The following FSTL5 variants were observed in gnomAD, a reference collection of about 807,000 sequenced individuals.
The protein encoded by FSTL5 is follistatin like 5.
Under a neutral mutation model 89.1 loss-of-function variants are expected in FSTL5, and 62 were observed. That is an observed-to-expected ratio of 0.70 (90% confidence interval 0.57 to 0.86). The LOEUF (loss-of-function observed/expected upper bound fraction) is 0.86, where lower values mean the gene tolerates loss of function less well. Among genes scored for constraint, FSTL5 ranks in the 40% least tolerant of loss-of-function variants. FSTL5 has a pLI of 0.00. For synonymous variants in FSTL5, 383 were observed against 346.2 expected, an observed-to-expected ratio of 1.11 and a Z score of -1.18; for missense variants, 1,057 against 1,001.6, an observed-to-expected ratio of 1.06 and a Z score of -0.75.
At chr4:161,564,112 A>C (rs1046404536) in intron 8 of FSTL5, among the ~76,000 whole-genome samples, 1 of 151,842 alleles carries the variant, frequency 6.6e-6, no homozygotes, top group Admixed American at 6.6e-5. Context: ...ATATATTTGT[A>C]TTCAAATTTA....
chr4:161,721,085 T>A (rs577534621), intron 6 of FSTL5, among the ~76,000 whole-genome samples: 1 of 151,344 alleles, frequency 6.6e-6, no homozygotes, highest in Non-Finnish European at 1.5e-5. Context: ...GAGACCATCC[T>A]GGCTAACAAG....
intron 2 of FSTL5, among the ~76,000 whole-genome samples, chr4:162,095,724 G>A (rs1297599746): frequency 1.3e-5 from 2 of 151,862 alleles, no homozygotes; most frequent in Admixed American, 1.3e-4. Flanking sequence ...AAATGATATT[G>A]TAGTTACTTT....
chr4:162,150,683 A>G (rs1210808495), intron 1 of FSTL5, among the ~76,000 whole-genome samples: 1 of 152,184 alleles, frequency 6.6e-6, no homozygotes, highest in Non-Finnish European at 1.5e-5. Flanking sequence ...CTGTGGTTAA[A>G]TAATATCTCA....
chr4:161,677,830 G>A (rs966869222), intron 6 of FSTL5, among the ~76,000 whole-genome samples: 4 of 151,658 alleles, frequency 2.6e-5, no homozygotes, highest in African/African-American at 7.3e-5. Flanking sequence ...CTAAAATTGT[G>A]TTTTTTTGAC....
chr4:161,979,284 A>G (rs1380222094), intron 3 of FSTL5, among the ~76,000 whole-genome samples: 1 of 152,162 alleles, frequency 6.6e-6, no homozygotes, highest in Non-Finnish European at 1.5e-5. Flanking sequence ...CATAGATTTG[A>G]ACACAATTTG....
chr4:162,015,937 T>C (rs1736904364), intron 3 of FSTL5, among the ~76,000 whole-genome samples: 1 of 152,216 alleles, frequency 6.6e-6, no homozygotes, highest in Non-Finnish European at 1.5e-5. Flanking sequence ...ATGTTTTTAC[T>C]CTACTTTCTT....
At chr4:161,524,559 C>CA (rs1166800307) in intron 10 of FSTL5, among the ~76,000 whole-genome samples, 1 of 152,086 alleles carries the variant, frequency 6.6e-6, no homozygotes, top group African/African-American at 2.4e-5. Context: ...GCATACACTT[C>CA]AATGTCTTTC....
intron 8 of FSTL5, among the ~76,000 whole-genome samples, chr4:161,576,301 C>T (rs1228070872): frequency 2.0e-5 from 3 of 151,930 alleles, no homozygotes; most frequent in Admixed American, 1.3e-4. Context: ...ACTTTCTTCA[C>T]GGAATTAGAA....
intron 2 of FSTL5, among the ~76,000 whole-genome samples, chr4:162,077,117 T>A (rs925977629): frequency 6.6e-6 from 1 of 151,854 alleles, no homozygotes; most frequent in Admixed American, 6.6e-5. Context: ...GGCTTATGGT[T>A]CTGAAGGCTA....
At chr4:162,134,947 T>G (rs1732468086) in intron 1 of FSTL5, among the ~76,000 whole-genome samples, 1 of 152,246 alleles carries the variant, frequency 6.6e-6, no homozygotes, top group African/African-American at 2.4e-5. Context: ...GCTGCTAAAC[T>G]GGTGGGAATT....
At chr4:161,937,870 G>C (rs2110914189) in intron 3 of FSTL5, among the ~76,000 whole-genome samples, 1 of 152,222 alleles carries the variant, frequency 6.6e-6, no homozygotes, top group Non-Finnish European at 1.5e-5. Flanking sequence ...AGCCCTGCCA[G>C]TTGCCCTGCT....
chr4:161,738,972 T>C (rs538498163), intron 6 of FSTL5, among the ~76,000 whole-genome samples: 1 of 152,336 alleles, frequency 6.6e-6, no homozygotes. Flanking sequence ...TGTCCAATTT[T>C]TTATAAGACA....
intron 13 of FSTL5, among the ~76,000 whole-genome samples, chr4:161,473,770 TA>T (rs1734031046): frequency 6.6e-6 from 1 of 152,180 alleles, no homozygotes; most frequent in Non-Finnish European, 1.5e-5. Flanking sequence ...TATATTAGTA[TA>T]GTTACCTCTC....
intron 2 of FSTL5, among the ~76,000 whole-genome samples, chr4:162,070,707 C>T (rs1187021654): frequency 6.6e-6 from 1 of 151,658 alleles, no homozygotes; most frequent in Non-Finnish European, 1.5e-5. Context: ...TTAGATTTCT[C>T]AGCAGAAACC....
intron 3 of FSTL5, among the ~76,000 whole-genome samples, chr4:161,961,987 T>C (rs1395841934): frequency 1.3e-5 from 2 of 151,898 alleles, no homozygotes; most frequent in African/African-American, 2.4e-5. Context: ...TTTTGACATA[T>C]GCAAATATAT....
rs527812959 is a variant in FSTL5 at position 161,567,304 on chromosome 4, T to C, written c.1015+20151A>G. Among the ~76,000 whole-genome samples the C allele has an allele frequency of 3.9e-5, 6 of 152,208 alleles. No individual in the cohort carries two copies. The South Asian group carries it at 1.2e-3, about 32-fold the overall frequency. ...TAAAATAAAATTTATTTTTAAAACA[T>C]ATGGATTAACAAGTACACATGCAAA... On this transcript the variant is annotated intron_variant, in intron 8 of 15. Coordinates refer to ENST00000306100, the MANE Select transcript of FSTL5 (RefSeq NM_020116.5).
intron 2 of FSTL5, among the ~76,000 whole-genome samples, chr4:162,034,196 A>C (rs1452332410): frequency 6.6e-6 from 1 of 152,146 alleles, no homozygotes; most frequent in Non-Finnish European, 1.5e-5. Context: ...TTCATAAATA[A>C]ATAAACAAAT....
intron 7 of FSTL5, among the ~76,000 whole-genome samples, chr4:161,592,380 C>G (rs1229173551): frequency 6.6e-6 from 1 of 152,014 alleles, no homozygotes; most frequent in Non-Finnish European, 1.5e-5. Flanking sequence ...CACCCATCAA[C>G]TCGTCATCTA....
intron 4 of FSTL5, among the ~76,000 whole-genome samples, chr4:161,835,198 G>C (rs1730995443): frequency 1.3e-5 from 2 of 151,604 alleles, no homozygotes; most frequent in Non-Finnish European, 2.9e-5. Context: ...ACCAAGAAAT[G>C]GGGAAAGGAT....
Sources: gnomAD v4.1 joint callset for allele counts (sites outside exome capture counted in the v4.1 genomes callset) on GRCh38, gnomAD v4.1.1 for gene constraint, MANE v1.5 for transcripts, NCBI Gene and HGNC (gene_info 2026-07-23, HGNC 2026-07-21) for gene names.